Variants in OCA2 observed in about 807,000 individuals in gnomAD.
OCA2 encodes the protein P protein.
Under a neutral mutation model 100.2 loss-of-function variants are expected in OCA2, and 77 were observed. That is an observed-to-expected ratio of 0.77 (90% CI 0.64 to 0.93). The LOEUF is 0.93. Among genes scored for constraint, OCA2 ranks in the 40% least tolerant of loss-of-function variants. The pLI is 0.00. For missense variants in OCA2, 1,062 were observed against 1,089.1 expected (o/e 0.98, Z 0.35); for synonymous variants, 432 against 439.2 (o/e 0.98, Z 0.21).
intron 2 of OCA2, among the ~76,000 whole-genome samples, chr15:28,072,404 A>G (rs1159141451): frequency 6.6e-6 from 1 of 152,122 alleles, no homozygotes; most frequent in Non-Finnish European, 1.5e-5. Context: ...CCTGGCTAAC[A>G]CGGTGAAACC....
At chr15:27,739,109 A>G in the OCA2 span, among the ~76,000 whole-genome samples, 1 of 152,170 alleles carries the variant, frequency 6.6e-6, no homozygotes, top group Non-Finnish European at 1.5e-5. Context: ...TTTCCTGTCA[A>G]CATGAACTAC....
intron 23 of OCA2, among the ~76,000 whole-genome samples, chr15:27,807,561 T>C (rs1004580495): frequency 2.6e-5 from 4 of 152,124 alleles, no homozygotes; most frequent in Non-Finnish European, 4.4e-5. Flanking sequence ...TGCCTTCACT[T>C]GGGCAGATGG....
rs1233895865 is a variant in OCA2, at chr15:27,775,112, T to G, written c.2433-19640A>C. 2.0e-3 allele frequency among the ~76,000 whole-genome samples: 254 copies of G among 124,348 alleles called. 1 individual carries two copies. The highest frequency in any genetic ancestry group is 4.7e-3 in the African/African-American group (168 of 35,582). 81.6% of individuals were successfully genotyped at this position (124,348 alleles called of 152,430 possible). A position where few individuals can be genotyped will look rare whatever the true frequency, so the allele number is the denominator to read the frequency against. ...TGTGTGTGTGTGTGTGTCTGTGTGT[T>G]TGTTAATAAGAAGCTGGGCCCTCTG... On this transcript the variant is annotated intron_variant, in intron 23 of 23. Coordinates refer to ENST00000354638, the MANE Select transcript of OCA2 (RefSeq NM_000275.3).
the OCA2 span, among the ~76,000 whole-genome samples, chr15:27,747,159 C>T: frequency 5.9e-5 from 9 of 152,198 alleles, no homozygotes; most frequent in South Asian, 6.2e-4. Flanking sequence ...CCAACAACCA[C>T]ACAGTGAGGA....
intron 23 of OCA2, among the ~76,000 whole-genome samples, chr15:27,840,709 T>G (rs1015710907): frequency 1.2e-4 from 19 of 152,222 alleles, no homozygotes; most frequent in African/African-American, 4.6e-4. Flanking sequence ...GATATCCATA[T>G]GCAAAAATAA....
rs1055011972 is a variant in OCA2, at chr15:27,896,274, C to T, written c.2080-24352G>A. ...AAGCAAGGAATTTAATGCAGAAGTA[C>T]ACCGGAAGCACATCATGGGCCAGAA... On this transcript the variant is annotated intron_variant, in intron 19 of 23. Transcript: ENST00000354638. The T allele has an allele frequency of 6.3e-6, 7 of 1,110,862 alleles. No individual in the cohort carries two copies. In the African/African-American group the frequency reaches 7.6e-5, roughly 12 times the overall value. 68.8% of individuals were successfully genotyped at this position (1,110,862 alleles called of 1,614,324 possible). A position where few individuals can be genotyped will look rare whatever the true frequency, so the allele number is the denominator to read the frequency against.
chr15:27,742,144 C>G, the OCA2 span, among the ~76,000 whole-genome samples: 2 of 152,166 alleles, frequency 1.3e-5, no homozygotes, highest in Admixed American at 1.3e-4. Flanking sequence ...GAGAAGAGCA[C>G]CATGCCAGGT....
intron 23 of OCA2, among the ~76,000 whole-genome samples, chr15:27,796,285 A>G (rs2033328666): frequency 6.6e-6 from 1 of 152,282 alleles, no homozygotes; most frequent in Non-Finnish European, 1.5e-5. Context: ...ATGATGGGAA[A>G]GGCTTAGACA....
At chr15:27,772,753 A>G (rs1363843947) in intron 23 of OCA2, among the ~76,000 whole-genome samples, 2 of 151,066 alleles carry the variant, frequency 1.3e-5, no homozygotes, top group African/African-American at 4.9e-5. Flanking sequence ...AGGCAGGAGA[A>G]TCCCTTGAAC....
chr15:27,857,800 G>A (rs1329850167), intron 21 of OCA2, among the ~76,000 whole-genome samples: 1 of 152,144 alleles, frequency 6.6e-6, no homozygotes, highest in African/African-American at 2.4e-5. Context: ...TAATAAAGAT[G>A]TAATCTATGA....
At chr15:27,924,907 T>A (rs2038990437) in intron 19 of OCA2, among the ~76,000 whole-genome samples, 1 of 152,104 alleles carries the variant, frequency 6.6e-6, no homozygotes, top group South Asian at 2.1e-4. Context: ...AAATGATAAG[T>A]CATGCAAACA....
At chr15:27,994,763 A>G (rs2041668724) in intron 9 of OCA2, among the ~76,000 whole-genome samples, 1 of 152,194 alleles carries the variant, frequency 6.6e-6, no homozygotes, top group African/African-American at 2.4e-5. Flanking sequence ...AGAAGAAAGG[A>G]AAGAGTTTGG....
At chr15:27,912,025 T>C (rs1211338948) in intron 19 of OCA2, among the ~76,000 whole-genome samples, 10 of 152,206 alleles carry the variant, frequency 6.6e-5, no homozygotes, top group Admixed American at 6.5e-4. Context: ...ACTTTAGGTG[T>C]ATGCTAGGAA....
intron 23 of OCA2, among the ~76,000 whole-genome samples, chr15:27,823,796 A>G (rs971604894): frequency 6.6e-6 from 1 of 152,200 alleles, no homozygotes; most frequent in African/African-American, 2.4e-5. Context: ...TAGCTGCAAC[A>G]ATAAAAATAA....
intron 21 of OCA2, among the ~76,000 whole-genome samples, chr15:27,863,346 C>G (rs2036206421): frequency 6.6e-6 from 1 of 152,184 alleles, no homozygotes; most frequent in African/African-American, 2.4e-5. Flanking sequence ...CACTGGGATT[C>G]TGAGAGCTGA....
At chr15:27,874,238 C>T (rs548481420) in intron 19 of OCA2, among the ~76,000 whole-genome samples, 1 of 152,236 alleles carries the variant, frequency 6.6e-6, no homozygotes, top group South Asian at 2.1e-4. Context: ...CCCACGAAAA[C>T]ATTTCCTGCA....
At chr15:28,036,168 T>C (rs1220930400) in intron 2 of OCA2, among the ~76,000 whole-genome samples, 3 of 152,248 alleles carry the variant, frequency 2.0e-5, no homozygotes, top group Admixed American at 1.3e-4. Flanking sequence ...CATCAAATTA[T>C]GCCTGACCAT....
intron 9 of OCA2, among the ~76,000 whole-genome samples, chr15:28,014,051 T>A (rs1438698639): frequency 6.6e-6 from 1 of 151,976 alleles, no homozygotes; most frequent in Non-Finnish European, 1.5e-5. Flanking sequence ...CTCCTCAACA[T>A]CCCCAGGTAT....
At chr15:27,838,455 C>T (rs1433294274) in intron 23 of OCA2, among the ~76,000 whole-genome samples, 1 of 152,066 alleles carries the variant, frequency 6.6e-6, no homozygotes, top group Admixed American at 6.5e-5. Flanking sequence ...CAGTGAGACT[C>T]AACATAAAGA....
Sources: gnomAD v4.1 joint callset for allele counts (sites outside exome capture counted in the v4.1 genomes callset) on GRCh38, gnomAD v4.1.1 for gene constraint, MANE v1.5 for transcripts, NCBI Gene and HGNC (gene_info 2026-07-23, HGNC 2026-07-21) for gene names.